NOTO: variants seen among roughly 807,000 people sequenced by gnomAD.
NOTO encodes homeobox protein notochord.
In NOTO, 19 loss-of-function variants were observed where a neutral mutation model predicts 20.5. That is an observed-to-expected ratio of 0.93 (90% confidence interval 0.65 to 1.36). The LOEUF is 1.36. Ranked by LOEUF, NOTO falls within the 40% of genes most tolerant of loss-of-function variation. NOTO has a pLI of 0.00. For missense variants in NOTO, 369 were observed against 336.2 expected (o/e 1.10, Z -0.76); for synonymous variants, 150 against 150.2 (o/e 1.00, Z 0.01).
chr2:73,208,610 A>G lies in NOTO; in HGVS notation c.593A>G (p.Asn198Ser), dbSNP rs1254230084. 1.3e-6 allele frequency: 2 copies of G among 1,548,360 alleles called. No homozygotes were observed. The highest frequency in any genetic ancestry group is 2.7e-5 in the African/African-American group (2 of 72,974). The change falls in exon 2 of 3, where the codon AAC (asparagine) becomes AGC (serine). Residue 198 changes from asparagine (N) to serine (S), a missense_variant. By Grantham distance (46) the Asn-to-Ser change is conservative (BLOSUM62 1). Coordinates refer to ENST00000398468, the MANE Select transcript of NOTO (RefSeq NM_001134462.2). ...GCAGCTCGGCTCAAACTTACAGAGAACCAGGTGGGAGTAGGGACTCCTATT... is the reference window on the plus strand; with the variant it reads ...GCAGCTCGGCTCAAACTTACAGAGAGCCAGGTGGGAGTAGGGACTCCTATT... ...QLAARLKLTE[N>S]QVRVWFQNRR... is the part of the protein sequence containing the mutation.
At chr2:73,205,197 T>G (rs774489252) in intron 1 of NOTO, among the ~76,000 whole-genome samples, 17 of 152,184 alleles carry the variant, frequency 1.1e-4, no homozygotes, top group Non-Finnish European at 1.8e-4. Flanking sequence ...AATCTATTTG[T>G]AGATGCTCTT....
In NOTO at chr2:73,211,213, G is replaced by A. The variant is rs1277503170; in HGVS notation, c.*284G>A. On this transcript the variant is annotated 3_prime_UTR_variant, in exon 3 of 3. Coordinates refer to ENST00000398468, the MANE Select transcript of NOTO (RefSeq NM_001134462.2). ...GTGCATTCATAACTTAGATCACCCA[G>A]GGGTGAGAAGATGTCTGTAAAGCAA... is the stretch of plus-strand genomic sequence containing the variant. 2 of 346,014 alleles carry A rather than the reference G, an allele frequency of 5.8e-6. No individual in the cohort carries two copies. Among genetic ancestry groups the A allele is most frequent in the Non-Finnish European group, 1.1e-5 (2 of 190,078 alleles). The allele number at this position is 346,014 out of a possible 1,614,324, so 21.4% of individuals were successfully genotyped here.
intron 2 of NOTO, among the ~76,000 whole-genome samples, chr2:73,210,149 C>T (rs1184259521): frequency 1.3e-5 from 2 of 152,194 alleles, no homozygotes; most frequent in Non-Finnish European, 2.9e-5. Flanking sequence ...TCATGGGTGA[C>T]ATTCCTTATC....
chr2:73,208,259 T>G (rs1864490), intron 1 of NOTO, 141 bp from the exon 2 acceptor site: 174,464 of 617,362 alleles, frequency 0.28, 25,594 homozygotes, highest in African/African-American at 0.38. Context: ...ACTGTCTTCT[T>G]GCACTGTTAC....
chr2:73,211,754 A>C lies in NOTO; in HGVS notation c.*825A>C, dbSNP rs192582408. On this transcript the variant is annotated 3_prime_UTR_variant, in exon 3 of 3. Coordinates refer to ENST00000398468, the MANE Select transcript of NOTO (RefSeq NM_001134462.2). ...AGTGCTGGGATTACATGTGTGAGCC[A>C]CCACCCGGCCCAACCCTGCCCTTTT... The C allele has an allele frequency of 6.6e-6, 1 of 152,274 alleles. No homozygotes were observed. The highest frequency in any genetic ancestry group is 1.5e-5 in the Non-Finnish European group (1 of 68,118). 9.4% of individuals were successfully genotyped at this position (152,274 alleles called of 1,614,324 possible). A position where few individuals can be genotyped will look rare whatever the true frequency, so the allele number is the denominator to read the frequency against.
At chr2:73,204,164 G>A (rs2103689401) in intron 1 of NOTO, among the ~76,000 whole-genome samples, 1 of 149,780 alleles carries the variant, frequency 6.7e-6, no homozygotes, top group East Asian at 2.0e-4. Flanking sequence ...TGTAATCCCA[G>A]CTACTCAGGA....
Position 73,210,814 on chromosome 2 carries a change from A to G in NOTO, c.641A>G (p.Gln214Arg). 3.2e-6 allele frequency: 5 copies of G among 1,551,682 alleles called. No homozygotes were observed. The highest frequency in any genetic ancestry group is 3.5e-6 in the Non-Finnish European group (4 of 1,146,966). Residue 214 changes from glutamine (Q) to arginine (R), a missense_variant, in exon 3 of 3, where the codon CAG becomes CGG. Coordinates refer to ENST00000398468, the MANE Select transcript of NOTO (RefSeq NM_001134462.2). ...AACCGCAGGGTCAAGTATCAGAAGC[A>G]GCAAAAGCTGAGGGCAGCAGTTACA... ...FQNRRVKYQK[Q>R]QKLRAAVTSA...
chr2:73,203,072 CGCGGGGGACTGG>C, intron 1 of NOTO, 24 bp downstream of exon 1: 1 of 1,370,932 alleles, frequency 7.3e-7, no homozygotes, highest in Non-Finnish European at 9.4e-7. Context: ...GGCGCCCGCA[CGCGGGGGACTGG>C]GCGGGGGCTG....
In NOTO at chr2:73,210,985, C is replaced by G. The variant is rs901787939; in HGVS notation, c.*56C>G. The G allele has an allele frequency of 9.0e-6, 13 of 1,439,166 alleles. No individual in the cohort carries two copies. Among genetic ancestry groups the G allele is most frequent in the Non-Finnish European group, 1.2e-5 (13 of 1,065,350 alleles). 89.1% of individuals were successfully genotyped at this position (1,439,166 alleles called of 1,614,324 possible). A position where few individuals can be genotyped will look rare whatever the true frequency, so the allele number is the denominator to read the frequency against. On this transcript the variant is annotated 3_prime_UTR_variant, in exon 3 of 3. Transcript: ENST00000398468. ...CTGGACTAGTTCCTCCTGGGGGTAC[C>G]CACTGGAGCTCCCTGCCTCACACCT... is the stretch of plus-strand genomic sequence containing the variant.
chr2:73,203,901 C>T (rs1428053427), intron 1 of NOTO, among the ~76,000 whole-genome samples: 3 of 91,408 alleles, frequency 3.3e-5, no homozygotes, highest in Non-Finnish European at 6.6e-5. Flanking sequence ...GAGATCGAGA[C>T]CATCCTGGCT....
chr2:73,208,757 C>A, intron 2 of NOTO, 143 bp downstream of exon 2: 1 of 615,888 alleles, frequency 1.6e-6, no homozygotes. Flanking sequence ...TGACTTTTTG[C>A]ACACTCTATA....
intron 2 of NOTO, among the ~76,000 whole-genome samples, chr2:73,209,157 A>G (rs1227777348): frequency 3.4e-5 from 5 of 148,632 alleles, no homozygotes; most frequent in Non-Finnish European, 5.9e-5. Context: ...CTTGGGCAAC[A>G]TTTGGAGAGC....
At chr2:73,208,673 C>A in intron 2 of NOTO, 59 bp downstream of exon 2, 2 of 1,118,960 alleles carry the variant, frequency 1.8e-6, no homozygotes, top group Non-Finnish European at 2.6e-6. Context: ...ACTACCTCAG[C>A]AAGGCCCTAA....
chr2:73,204,878 TA>T (rs58422288), intron 1 of NOTO, among the ~76,000 whole-genome samples: 30,386 of 106,642 alleles, frequency 0.28, 6,904 homozygotes, highest in African/African-American at 0.5. Flanking sequence ...TAATTTTTTT[TA>T]TTTTTTTATT....
intron 1 of NOTO, among the ~76,000 whole-genome samples, chr2:73,207,914 C>T (rs1194432802): frequency 6.6e-6 from 1 of 152,160 alleles, no homozygotes; most frequent in Non-Finnish European, 1.5e-5. Flanking sequence ...TCTCTTCTGA[C>T]CTCATTTCTA....
At chr2:73,204,533 A>G (rs1415184121) in intron 1 of NOTO, among the ~76,000 whole-genome samples, 1 of 152,124 alleles carries the variant, frequency 6.6e-6, no homozygotes, top group African/African-American at 2.4e-5. Context: ...TCAGCAGTGC[A>G]TTAACCCTTG....
chr2:73,204,381 A>G (rs1350811578), intron 1 of NOTO, among the ~76,000 whole-genome samples: 1 of 152,204 alleles, frequency 6.6e-6, no homozygotes, highest in Non-Finnish European at 1.5e-5. Flanking sequence ...TGCCAGGTTC[A>G]TGTTTCCCCA....
At chr2:73,209,383 CT>C (rs1252726220) in intron 2 of NOTO, among the ~76,000 whole-genome samples, 2 of 152,266 alleles carry the variant, frequency 1.3e-5, no homozygotes, top group East Asian at 3.9e-4. Flanking sequence ...TCCAACATGA[CT>C]TTTCCCTACC....
At chr2:73,207,076 T>G (rs1686098006) in intron 1 of NOTO, among the ~76,000 whole-genome samples, 1 of 152,158 alleles carries the variant, frequency 6.6e-6, no homozygotes, top group Non-Finnish European at 1.5e-5. Flanking sequence ...ATTACAGGTA[T>G]AAGCCACCAT....
Sources: allele counts gnomAD v4.1 joint callset (sites outside exome capture counted in the v4.1 genomes callset), GRCh38; gene constraint gnomAD v4.1.1; transcripts MANE v1.5; gene names NCBI Gene and HGNC (gene_info 2026-07-23, HGNC 2026-07-21).